Variants in NDUFA5 observed in about 807,000 individuals in gnomAD.
NDUFA5 encodes NADH dehydrogenase [ubiquinone] 1 alpha subcomplex subunit 5.
NDUFA5 carries 11 observed loss-of-function variants against 19.8 expected under a neutral mutation model. That is an observed-to-expected ratio of 0.56 (90% CI 0.35 to 0.92). The LOEUF (loss-of-function observed/expected upper bound fraction) is 0.92, where lower values mean the gene tolerates loss of function less well. NDUFA5 is among the 40% of genes least tolerant of loss of function. The pLI, the probability that NDUFA5 is intolerant of heterozygous loss-of-function variation, is 0.01. For missense variants in NDUFA5, 109 were observed against 134.2 expected (o/e 0.81, Z 0.93); for synonymous variants, 47 against 46.8 (o/e 1.00, Z -0.01).
the NDUFA5 span, among the ~76,000 whole-genome samples, chr7:123,565,319 C>A: frequency 6.6e-6 from 1 of 151,720 alleles, no homozygotes; most frequent in South Asian, 2.1e-4. Context: ...AAATGCTAAT[C>A]TTTTCTCTAA....
At chr7:123,548,744 A>G (rs1798225653) in intron 3 of NDUFA5, among the ~76,000 whole-genome samples, 1 of 152,136 alleles carries the variant, frequency 6.6e-6, no homozygotes, top group Non-Finnish European at 1.5e-5. Flanking sequence ...ACACATCAAA[A>G]TCATGCAGAT....
chr7:123,600,842 CA>C, the NDUFA5 span, among the ~76,000 whole-genome samples: 2 of 151,880 alleles, frequency 1.3e-5, no homozygotes. Context: ...ACACTGAGTA[CA>C]AAGAAAATGT....
the NDUFA5 span, among the ~76,000 whole-genome samples, chr7:123,584,070 T>A: frequency 3.3e-5 from 5 of 151,792 alleles, no homozygotes; most frequent in East Asian, 3.9e-4. Flanking sequence ...TGGTGAGCTC[T>A]TCTAGCCACA....
chr7:123,558,218 C>A, upstream of NDUFA5: 1 of 219,268 alleles, frequency 4.6e-6, no homozygotes, highest in Admixed American at 5.2e-5. Flanking sequence ...TGAGCATCCT[C>A]TGAATTGATC....
At chr7:123,587,263 C>A in the NDUFA5 span, among the ~76,000 whole-genome samples, 1 of 151,530 alleles carries the variant, frequency 6.6e-6, no homozygotes, top group Non-Finnish European at 1.5e-5. Context: ...CACCTTTCAC[C>A]TCCTTGGTTA....
the NDUFA5 span, among the ~76,000 whole-genome samples, chr7:123,567,663 A>T: frequency 1.3e-5 from 2 of 152,254 alleles, no homozygotes; most frequent in Admixed American, 6.5e-5. Context: ...ACAGGAAGAA[A>T]GCATCTCAAT....
the NDUFA5 span, among the ~76,000 whole-genome samples, chr7:123,583,361 G>A: frequency 1.3e-5 from 2 of 151,866 alleles, no homozygotes; most frequent in African/African-American, 2.4e-5. Flanking sequence ...GGGAACTAAC[G>A]GGAAACTGGA....
chr7:123,545,309 A>G (rs1798090319), intron 4 of NDUFA5, among the ~76,000 whole-genome samples: 1 of 152,134 alleles, frequency 6.6e-6, no homozygotes, highest in Admixed American at 6.5e-5. Context: ...ACAACTATTA[A>G]AACAACAGTA....
Position 123,557,466 on chromosome 7 carries a change from A to T in NDUFA5, c.22-18T>A, listed in dbSNP as rs371209751. The stretch of plus-strand genomic sequence containing the variant: ...CCAGTGGTCTGTTCAAAAACAAAAC[A>T]CGATTCATGCTGTTTACTACGGTTT... On this transcript the variant is annotated intron_variant, in intron 1 of 4. Coordinates refer to ENST00000355749, the MANE Select transcript of NDUFA5 (RefSeq NM_005000.5). 3.1e-6 allele frequency: 5 copies of T among 1,612,468 alleles called. No individual in the cohort carries two copies. The highest frequency in any genetic ancestry group is 4.2e-6 in the Non-Finnish European group (5 of 1,179,200).
At chr7:123,545,087 C>CATT (rs1386907541) in intron 4 of NDUFA5, among the ~76,000 whole-genome samples, 2 of 151,984 alleles carry the variant, frequency 1.3e-5, no homozygotes, top group Non-Finnish European at 2.9e-5. Flanking sequence ...TCTTCATAAT[C>CATT]ATGCTTACAT....
At position 123,539,830 on chromosome 7, in the gene NDUFA5, T is replaced by C. The variant is rs1235733299; in HGVS notation, c.*2289A>G. On this transcript the variant is annotated 3_prime_UTR_variant, in exon 5 of 5. Coordinates refer to ENST00000355749, the MANE Select transcript of NDUFA5 (RefSeq NM_005000.5). ...TGAAATCGTTTACTACTTCTGCTCA[T>C]ATTTGTTCTTTACAGATAATTTTGA... The C allele has an allele frequency of 6.6e-6, 1 of 152,248 alleles. No homozygotes were observed. Among genetic ancestry groups the C allele is most frequent in the Non-Finnish European group, 1.5e-5 (1 of 68,050 alleles). 9.4% of individuals were successfully genotyped at this position (152,248 alleles called of 1,614,324 possible).
chr7:123,582,756 T>G, the NDUFA5 span, among the ~76,000 whole-genome samples: 1 of 152,010 alleles, frequency 6.6e-6, no homozygotes, highest in Admixed American at 6.6e-5. Context: ...CACCTTCTTT[T>G]GATCATCTAT....
upstream of NDUFA5, among the ~76,000 whole-genome samples, chr7:123,561,807 G>A (rs1014130993): frequency 4.0e-5 from 6 of 151,850 alleles, no homozygotes; most frequent in Admixed American, 6.6e-5. Flanking sequence ...CGTCTTGGCC[G>A]GGCTGGTCTT....
the NDUFA5 span, among the ~76,000 whole-genome samples, chr7:123,595,648 CATA>C: frequency 2.6e-5 from 4 of 152,214 alleles, no homozygotes; most frequent in Non-Finnish European, 5.9e-5. Flanking sequence ...TAGTGCACAG[CATA>C]ATACCTGGCA....
chr7:123,563,069 G>A, the NDUFA5 span, among the ~76,000 whole-genome samples: 1 of 152,054 alleles, frequency 6.6e-6, no homozygotes, highest in Non-Finnish European at 1.5e-5. Flanking sequence ...TGAATGTGCT[G>A]GGGTTACAGG....
chr7:123,544,330 C>G (rs748711993), intron 4 of NDUFA5, among the ~76,000 whole-genome samples: 13 of 151,924 alleles, frequency 8.6e-5, no homozygotes, highest in Non-Finnish European at 1.9e-4. Flanking sequence ...GAAACCCTGT[C>G]TCTACTAAAA....
At chr7:123,572,355 G>A in the NDUFA5 span, among the ~76,000 whole-genome samples, 2 of 151,266 alleles carry the variant, frequency 1.3e-5, no homozygotes, top group African/African-American at 4.9e-5. Flanking sequence ...TGGCCAGGAC[G>A]GTCTCGATCT....
At position 123,542,094 on chromosome 7, in the gene NDUFA5, T is replaced by G. The variant is rs1797960341; in HGVS notation, c.*25A>C. 16 of 1,533,092 alleles carry G rather than the reference T, an allele frequency of 1.0e-5. No homozygotes were observed. The highest frequency in any genetic ancestry group is 1.4e-5 in the Non-Finnish European group (16 of 1,117,414). The allele number at this position is 1,533,092 out of a possible 1,614,324, so 95.0% of individuals were successfully genotyped here. A position where few individuals can be genotyped will look rare whatever the true frequency, so the allele number is the denominator to read the frequency against. On this transcript the variant is annotated 3_prime_UTR_variant, in exon 5 of 5. Coordinates refer to ENST00000355749, the MANE Select transcript of NDUFA5 (RefSeq NM_005000.5). ...AATATTTAATTACATCAGTTTCCCA[T>G]GAACACACCAAAGTCACTTAATAAT...
chr7:123,601,340 A>C, the NDUFA5 span, among the ~76,000 whole-genome samples: 1 of 152,294 alleles, frequency 6.6e-6, no homozygotes, highest in Non-Finnish European at 1.5e-5. Flanking sequence ...GATGTCACTG[A>C]CTGCCCTATC....
Sources: allele counts gnomAD v4.1 joint callset (sites outside exome capture counted in the v4.1 genomes callset), GRCh38; gene constraint gnomAD v4.1.1; transcripts MANE v1.5; gene names NCBI Gene and HGNC (gene_info 2026-07-23, HGNC 2026-07-21).